The following SGK3 variants were observed in gnomAD, a reference collection of about 807,000 sequenced individuals.
SGK3 encodes the protein serine/threonine-protein kinase Sgk3.
In SGK3, 47 loss-of-function variants were observed where a neutral mutation model predicts 68.5. The observed-to-expected ratio is 0.69, with a 90% CI of 0.54 to 0.87. SGK3 has a LOEUF of 0.87. Among genes scored for constraint, SGK3 ranks in the 40% least tolerant of loss-of-function variants. SGK3 has a pLI of 0.00. For missense variants in SGK3, 479 were observed against 575.5 expected, an observed-to-expected ratio of 0.83 and a Z score of 1.72; for synonymous variants, 181 against 189.1, an observed-to-expected ratio of 0.96 and a Z score of 0.35.
chr8:66,843,104 T>C (rs1394487325), intron 13 of SGK3, among the ~76,000 whole-genome samples: 1 of 152,054 alleles, frequency 6.6e-6, no homozygotes, highest in Non-Finnish European at 1.5e-5. Flanking sequence ...GGGGAAAACA[T>C]GAATAATGAC....
intron 1 of SGK3, chr8:66,767,353 C>T: frequency 9.4e-7 from 1 of 1,059,614 alleles, no homozygotes; most frequent in Non-Finnish European, 1.4e-6. Context: ...ACAAATAATG[C>T]TTTATTAATA....
rs1402200050 is a variant in SGK3, at chr8:66,825,646, A to G, written c.418-3008A>G. On this transcript the variant is annotated intron_variant, in intron 6 of 16. Transcript: ENST00000521198. Reference sequence around the variant, plus strand: ...AAGTGAATAACTAAGTGAAGTTCCTAGCTGGAATATTTTAGAGGGCATCTG... The same window carrying G: ...AAGTGAATAACTAAGTGAAGTTCCTGGCTGGAATATTTTAGAGGGCATCTG... Among the ~76,000 whole-genome samples the G allele has an allele frequency of 2.0e-5, 3 of 152,152 alleles. No individual in the cohort carries two copies. In the East Asian group the frequency reaches 5.8e-4, roughly 29 times the overall value.
intron 1 of SGK3, among the ~76,000 whole-genome samples, chr8:66,735,187 G>A (rs893957029): frequency 2.0e-5 from 3 of 152,154 alleles, no homozygotes; most frequent in African/African-American, 7.2e-5. Flanking sequence ...TGGCGATCTT[G>A]GAATGTATCC....
intron 1 of SGK3, among the ~76,000 whole-genome samples, chr8:66,750,898 T>A (rs1477853483): frequency 6.6e-6 from 1 of 151,006 alleles, no homozygotes; most frequent in Non-Finnish European, 1.5e-5. Flanking sequence ...TCTCAACTGC[T>A]TGGGAGGCTG....
At chr8:66,751,793 T>C (rs1330453476) in intron 1 of SGK3, among the ~76,000 whole-genome samples, 2 of 150,542 alleles carry the variant, frequency 1.3e-5, no homozygotes, top group Admixed American at 1.3e-4. Flanking sequence ...GAGACAGAGC[T>C]TCACTCCTGT....
chr8:66,766,276 G>A (rs944584690), intron 1 of SGK3, among the ~76,000 whole-genome samples: 3 of 151,958 alleles, frequency 2.0e-5, no homozygotes, highest in Non-Finnish European at 2.9e-5. Context: ...TAATCCCAGC[G>A]CTTTGGAAGG....
chr8:66,852,924 G>C (rs1810353275), intron 16 of SGK3, among the ~76,000 whole-genome samples: 1 of 152,212 alleles, frequency 6.6e-6, no homozygotes, highest in Non-Finnish European at 1.5e-5. Context: ...GTTGAAGAAT[G>C]TTGAAGGGAC....
At position 66,799,571 on chromosome 8, in the gene SGK3, CT is replaced by C. The variant is rs1278684733; in HGVS notation, c.180+949del. 3.3e-5 allele frequency among the ~76,000 whole-genome samples: 5 copies of C among 152,186 alleles called. 1 individual carries two copies. The highest frequency in any genetic ancestry group is 3.3e-4 in the Admixed American group (5 of 15,280). On this transcript the variant is annotated intron_variant, in intron 3 of 16. Coordinates refer to ENST00000521198, the MANE Select transcript of SGK3 (RefSeq NM_001033578.3). ...CATTAAGACAGTCCTGGATTTAAAG[CT>C]TTGCTTCAGTTAAGAACAAAAGCAA...
chr8:66,790,273 A>C (rs1807388360), intron 1 of SGK3, among the ~76,000 whole-genome samples: 1 of 152,174 alleles, frequency 6.6e-6, no homozygotes. Context: ...TTGGGTTATG[A>C]GACAATGAAA....
intron 1 of SGK3, among the ~76,000 whole-genome samples, chr8:66,778,311 T>C (rs7001796): frequency 0.021 from 3,125 of 152,320 alleles, 112 homozygotes; most frequent in African/African-American, 0.07. Flanking sequence ...TTTTTTCTTT[T>C]GTTATGGAGT....
At chr8:66,740,134 C>T (rs1433985959) in intron 1 of SGK3, among the ~76,000 whole-genome samples, 2 of 152,168 alleles carry the variant, frequency 1.3e-5, no homozygotes, top group Non-Finnish European at 2.9e-5. Context: ...ATTATCTCTT[C>T]CAGATTTCAT....
chr8:66,809,896 C>T (rs1434988580), intron 4 of SGK3, among the ~76,000 whole-genome samples: 4 of 152,186 alleles, frequency 2.6e-5, no homozygotes, highest in Admixed American at 6.5e-5. Context: ...GAGTGGGCCT[C>T]TTCTTAAGGG....
At chr8:66,835,515 A>G (rs1349984022) in intron 8 of SGK3, among the ~76,000 whole-genome samples, 1 of 152,170 alleles carries the variant, frequency 6.6e-6, no homozygotes, top group Non-Finnish European at 1.5e-5. Context: ...GCATGCATAC[A>G]CACACAAACT....
intron 1 of SGK3, among the ~76,000 whole-genome samples, chr8:66,782,511 T>A (rs2130532010): frequency 6.6e-6 from 1 of 152,314 alleles, no homozygotes; most frequent in Admixed American, 6.5e-5. Flanking sequence ...ATAGATTCCA[T>A]TAGGGTTCAC....
intron 1 of SGK3, among the ~76,000 whole-genome samples, chr8:66,779,270 C>A (rs550009648): frequency 6.6e-6 from 1 of 152,146 alleles, no homozygotes; most frequent in South Asian, 2.1e-4. Context: ...CATATCCTTT[C>A]ACATATTCCA....
intron 1 of SGK3, among the ~76,000 whole-genome samples, chr8:66,752,705 G>T (rs986892697): frequency 1.3e-5 from 2 of 152,070 alleles, no homozygotes. Context: ...GCTAAAGGGG[G>T]CCAGGTGCTT....
intron 1 of SGK3, among the ~76,000 whole-genome samples, chr8:66,753,677 A>G (rs1563610280): frequency 1.3e-5 from 2 of 152,100 alleles, no homozygotes; most frequent in Non-Finnish European, 2.9e-5. Flanking sequence ...ATACAAAATT[A>G]GCTGGGCGTG....
At chr8:66,772,560 ATT>A (rs1251463218) in intron 1 of SGK3, among the ~76,000 whole-genome samples, 42 of 124,110 alleles carry the variant, frequency 3.4e-4, no homozygotes, top group African/African-American at 8.3e-4. Context: ...ACACCTGGCT[ATT>A]TTTTTTTTTT....
At chr8:66,831,448 T>A in intron 8 of SGK3, 137 bp downstream of exon 8, 1 of 1,024,058 alleles carries the variant, frequency 9.8e-7, no homozygotes. Context: ...CAAGCCATCC[T>A]CCCACCTCAG....
Sources: gnomAD v4.1 joint callset for allele counts (sites outside exome capture counted in the v4.1 genomes callset) on GRCh38, gnomAD v4.1.1 for gene constraint, MANE v1.5 for transcripts, NCBI Gene and HGNC (gene_info 2026-07-23, HGNC 2026-07-21) for gene names.